The following CACNA1A variants were observed in gnomAD, a reference collection of about 807,000 sequenced individuals.
CACNA1A encodes the protein calcium voltage-gated channel subunit alpha1 A, also known as voltage-dependent P/Q-type calcium channel subunit alpha-1A.
CACNA1A carries 57 observed loss-of-function variants against 262.4 expected under a neutral mutation model. That is an observed-to-expected ratio of 0.22 (90% CI 0.18 to 0.27). The LOEUF is 0.27. Among genes scored for constraint, CACNA1A ranks in the 10% least tolerant of loss-of-function variants. The pLI is 1.00. For synonymous variants in CACNA1A, 1,431 were observed against 1,419.3 expected (o/e 1.01, Z -0.18); for missense variants, 2,526 against 3,562.8 (o/e 0.71, Z 7.41).
intron 3 of CACNA1A, among the ~76,000 whole-genome samples, chr19:13,379,497 A>G (rs1406890565): frequency 1.3e-5 from 2 of 152,166 alleles, no homozygotes; most frequent in Non-Finnish European, 2.9e-5. Context: ...ATGAGTGCTT[A>G]GGAGAAAGTT....
intron 3 of CACNA1A, among the ~76,000 whole-genome samples, chr19:13,418,068 A>T (rs1204212135): frequency 6.6e-6 from 1 of 152,138 alleles, no homozygotes; most frequent in Non-Finnish European, 1.5e-5. Flanking sequence ...AATGATGTCA[A>T]AACTGTGCAA....
At chr19:13,363,300 G>GCA (rs1206587550) in intron 5 of CACNA1A, 3 of 125,802 alleles carry the variant, frequency 2.4e-5, no homozygotes, top group African/African-American at 9.0e-5. Context: ...AAGAGGCCCT[G>GCA]CCCCATATTC....
chr19:13,459,693 G>A (rs545229248), intron 1 of CACNA1A, among the ~76,000 whole-genome samples: 4 of 152,206 alleles, frequency 2.6e-5, no homozygotes, highest in South Asian at 2.1e-4. Flanking sequence ...AGCTGACTTC[G>A]CTTTCTCTCC....
chr19:13,208,649 G>A (rs926837253), intron 46 of CACNA1A, 107 bp downstream of exon 46: 3 of 1,359,108 alleles, frequency 2.2e-6, no homozygotes, highest in East Asian at 5.1e-5. Context: ...GGTCACAGCC[G>A]GGATCCGGGG....
At position 13,209,255 on chromosome 19, in the gene CACNA1A, T is replaced by A. The variant is rs17846929; in HGVS notation, c.6526+57A>T. The A allele has an allele frequency of 3.7e-4, 524 of 1,430,020 alleles. 5 individuals carry two copies. The East Asian group carries it at 0.011, about 29-fold the overall frequency. The allele number at this position is 1,430,020 out of a possible 1,614,324, so 88.6% of individuals were successfully genotyped here. A position where few individuals can be genotyped will look rare whatever the true frequency, so the allele number is the denominator to read the frequency against. On this transcript the variant is annotated intron_variant, in intron 45 of 46. Transcript: ENST00000360228. The stretch of plus-strand genomic sequence containing the variant: ...TTAGTGTCTCCTCCGCCCTGCCTTC[T>A]CCTCCCCTCTCCTCTCCTCTGTTCT...
intron 11 of CACNA1A, among the ~76,000 whole-genome samples, chr19:13,314,128 G>T (rs1315369364): frequency 6.6e-6 from 1 of 152,188 alleles, no homozygotes; most frequent in Non-Finnish European, 1.5e-5. Context: ...CCTTTTCTGA[G>T]AGGGCTTTCT....
chr19:13,413,895 A>AAGAAAAAGAAAG lies in CACNA1A; in HGVS notation c.539+38980_539+38981insCTTTCTTTTTCT, dbSNP rs1183097814. Among the ~76,000 whole-genome samples the AAGAAAAAGAAAG allele has an allele frequency of 4.1e-3, 493 of 119,190 alleles. 17 individuals are homozygous for AAGAAAAAGAAAG. Among genetic ancestry groups the AAGAAAAAGAAAG allele is most frequent in the African/African-American group, 0.019 (465 of 24,620 alleles). The allele number at this position is 119,190 out of a possible 152,430, so 78.2% of individuals were successfully genotyped here. A position where few individuals can be genotyped will look rare whatever the true frequency, so the allele number is the denominator to read the frequency against. On this transcript the variant is annotated intron_variant, in intron 3 of 46. Coordinates refer to ENST00000360228, the MANE Select transcript of CACNA1A (RefSeq NM_001127222.2). ...GACTCTGTCAAGAAAGAAAGAAAGA[A>AAGAAAAAGAAAG]AAAGAAAGAAAGAAAGAAAGAAAGA...
rs141163437 is a variant in CACNA1A, at chr19:13,233,043, CT to C, written c.5250-1184del. The stretch of plus-strand genomic sequence containing the variant: ...CAGCCTGGGCAACAAGACCGAAACT[CT>C]GTCTCAGATTAAAAAAAAAAAAAAG... On this transcript the variant is annotated intron_variant, in intron 34 of 46. Transcript: ENST00000360228. Among the ~76,000 whole-genome samples the C allele has an allele frequency of 6.1e-3, 914 of 151,022 alleles. 4 individuals are homozygous for C. Among genetic ancestry groups the C allele is most frequent in the Non-Finnish European group, 7.9e-3 (538 of 67,740 alleles).
intron 1 of CACNA1A, among the ~76,000 whole-genome samples, chr19:13,497,550 ATATATATATATATATATATATATATAT>A (rs1981811425): frequency 1.7e-5 from 1 of 59,810 alleles, no homozygotes; most frequent in Non-Finnish European, 3.0e-5. Flanking sequence ...ATATATATAT[ATATATATATATATATATATATATATAT>A]ATAAATTTAT....
intron 34 of CACNA1A, among the ~76,000 whole-genome samples, chr19:13,233,628 C>T (rs2055751380): frequency 6.6e-6 from 1 of 152,160 alleles, no homozygotes; most frequent in Non-Finnish European, 1.5e-5. Context: ...GCTGGGACTA[C>T]AGGTGTGTGG....
rs1216114398 is a variant in CACNA1A, at chr19:13,207,332, C to T, written c.7502G>A (p.Ser2501Asn). The T allele has an allele frequency of 4.5e-6, 7 of 1,561,502 alleles. No individual in the cohort carries two copies. The highest frequency in any genetic ancestry group is 2.3e-5 in the East Asian group (1 of 42,628). The part of the protein sequence containing the change: ...RKGLHEPYSE[S>N]DDDWC ...CCGGGCTTAGCACCAATCATCGTCACTCTCGCTGTAGGGTTCGTGCAGGCC... is the reference window on the plus strand; with the variant it reads ...CCGGGCTTAGCACCAATCATCGTCATTCTCGCTGTAGGGTTCGTGCAGGCC... The change falls in exon 47 of 47, where the codon AGT becomes AAT. Residue 2501 changes from serine to asparagine, a missense_variant. By Grantham distance (46) the Ser-to-Asn change is conservative. Coordinates refer to ENST00000360228, the MANE Select transcript of CACNA1A (RefSeq NM_001127222.2). The surrounding 1 kb of genome is among the most constrained non-coding windows in gnomAD (Gnocchi z 5.7).
intron 1 of CACNA1A, among the ~76,000 whole-genome samples, chr19:13,488,643 A>T (rs921214735): frequency 1.6e-4 from 24 of 151,130 alleles, no homozygotes; most frequent in Admixed American, 4.6e-4. Context: ...CAGGTGATCC[A>T]CCCGCCTTGG....
chr19:13,316,459 T>C (rs1600311246), intron 11 of CACNA1A: 1 of 150,694 alleles, frequency 6.6e-6, no homozygotes, highest in African/African-American at 2.4e-5. Context: ...CAAAACGCTC[T>C]CGCAGATACT....
chr19:13,256,390 G>A (rs1422388844), intron 28 of CACNA1A: 1 of 152,188 alleles, frequency 6.6e-6, no homozygotes, highest in Non-Finnish European at 1.5e-5. Flanking sequence ...TAAGGGTCAA[G>A]GGAGCAGAGG....
At chr19:13,357,834 T>C (rs2059032396) in intron 6 of CACNA1A, among the ~76,000 whole-genome samples, 1 of 151,904 alleles carries the variant, frequency 6.6e-6, no homozygotes. Flanking sequence ...TGAGACCCCA[T>C]CTCTATAAAA....
chr19:13,264,963 C>T (rs2056828133), intron 24 of CACNA1A, among the ~76,000 whole-genome samples: 1 of 151,388 alleles, frequency 6.6e-6, no homozygotes, highest in African/African-American at 2.4e-5. Flanking sequence ...CAACCTCTGC[C>T]TCCTGGGTTC....
At position 13,261,758 on chromosome 19, in the gene CACNA1A, C is replaced by T. The variant is rs941257866; in HGVS notation, c.4090-148G>A. Reference sequence around the variant, plus strand: ...TCAAGTCACTAGGGTAAGGTCCCCCCAGCTTTCAGAAATAAGCGTTGGAGG... The same window carrying T: ...TCAAGTCACTAGGGTAAGGTCCCCCTAGCTTTCAGAAATAAGCGTTGGAGG... On this transcript the variant is annotated intron_variant, in intron 25 of 46. Transcript: ENST00000360228. The T allele has an allele frequency of 2.0e-5, 14 of 713,470 alleles. No individual in the cohort carries two copies. In the African/African-American group the frequency reaches 2.3e-4, roughly 12 times the overall value. The allele number at this position is 713,470 out of a possible 1,614,324, so 44.2% of individuals were successfully genotyped here.
intron 1 of CACNA1A, among the ~76,000 whole-genome samples, chr19:13,480,728 G>T (rs10412211): frequency 0.39 from 58,640 of 151,980 alleles, 12,372 homozygotes; most frequent in Non-Finnish European, 0.48. Context: ...TGCACAGGAG[G>T]TCATTGCCCC....
chr19:13,405,991 TC>T (rs2059995651), intron 3 of CACNA1A, among the ~76,000 whole-genome samples: 1 of 152,080 alleles, frequency 6.6e-6, no homozygotes, highest in Admixed American at 6.5e-5. Flanking sequence ...GCCTGGATGG[TC>T]TTCCCTCTTT....
Sources: gnomAD v4.1 joint callset for allele counts (sites outside exome capture counted in the v4.1 genomes callset) on GRCh38, gnomAD v4.1.1 for gene constraint, Gnocchi (gnomAD v3.1) non-coding constraint, MANE v1.5 for transcripts, NCBI Gene and HGNC (gene_info 2026-07-23, HGNC 2026-07-21) for gene names.